The following DYM variants were observed in gnomAD, a reference collection of about 807,000 sequenced individuals.
The protein encoded by DYM is dyggve-Melchior-Clausen syndrome protein.
In DYM, 78 loss-of-function variants were observed where a neutral mutation model predicts 93.1. The observed-to-expected ratio is 0.84, with a 90% CI of 0.70 to 1.01. DYM has a LOEUF of 1.01. Ranked by LOEUF, DYM falls within the 50% of genes least tolerant of loss-of-function variation. DYM has a pLI of 0.00. For synonymous variants in DYM, 321 were observed against 319.7 expected, an observed-to-expected ratio of 1.00 and a Z score of -0.04; for missense variants, 789 against 845.0, an observed-to-expected ratio of 0.93 and a Z score of 0.82.
At chr18:49,391,840 C>T (rs1568366087) in intron 2 of DYM, among the ~76,000 whole-genome samples, 195 bp from the exon 3 acceptor site, 1 of 152,018 alleles carries the variant, frequency 6.6e-6, no homozygotes, top group East Asian at 1.9e-4. Flanking sequence ...TACTGTATTT[C>T]TAAATATGAG....
chr18:49,374,555 G>C (rs927404929), intron 5 of DYM, among the ~76,000 whole-genome samples: 1 of 152,126 alleles, frequency 6.6e-6, no homozygotes, highest in Non-Finnish European at 1.5e-5. Flanking sequence ...AATAAATTTT[G>C]GTGAAATGAC....
chr18:49,326,757 C>T (rs770401020), intron 8 of DYM, among the ~76,000 whole-genome samples: 2 of 152,014 alleles, frequency 1.3e-5, no homozygotes, highest in Non-Finnish European at 2.9e-5. Flanking sequence ...ATACAAATAA[C>T]GCTATACTCA....
chr18:49,371,254 CT>C (rs1315833006), intron 5 of DYM, among the ~76,000 whole-genome samples: 1 of 152,140 alleles, frequency 6.6e-6, no homozygotes, highest in Non-Finnish European at 1.5e-5. Flanking sequence ...AATCCCAGTG[CT>C]TTGGAAGGCC....
intron 8 of DYM, among the ~76,000 whole-genome samples, chr18:49,318,264 C>T (rs1003187278): frequency 5.3e-5 from 8 of 152,066 alleles, no homozygotes; most frequent in Admixed American, 2.6e-4. Context: ...AAGAAGGATC[C>T]GAACAATATG....
intron 11 of DYM, among the ~76,000 whole-genome samples, chr18:49,260,583 A>G (rs1455860864): frequency 6.6e-6 from 1 of 152,234 alleles, no homozygotes; most frequent in Non-Finnish European, 1.5e-5. Context: ...ATGAAAAACA[A>G]TCAAAACATT....
chr18:49,102,630 T>C (rs2080291415), intron 16 of DYM, among the ~76,000 whole-genome samples: 1 of 152,144 alleles, frequency 6.6e-6, no homozygotes, highest in East Asian at 1.9e-4. Context: ...TGTGTTCTCA[T>C]TGTTCAATTC....
At chr18:49,137,250 C>T (rs11082735) in intron 15 of DYM, among the ~76,000 whole-genome samples, 132,258 of 152,148 alleles carry the variant, frequency 0.87, 57,922 homozygotes, top group South Asian at 0.93. Flanking sequence ...AATAACACAC[C>T]CAGTACAGGC....
chr18:49,058,033 A>G (rs999500085), intron 17 of DYM, among the ~76,000 whole-genome samples: 6 of 152,254 alleles, frequency 3.9e-5, no homozygotes, highest in Non-Finnish European at 8.8e-5. Flanking sequence ...CTCTGTTAGC[A>G]CCTTGCTCTG....
At chr18:49,047,598 C>T (rs2071774219) in intron 17 of DYM, among the ~76,000 whole-genome samples, 2 of 152,182 alleles carry the variant, frequency 1.3e-5, no homozygotes, top group Admixed American at 1.3e-4. Context: ...CTGAAGTCCC[C>T]TTGCACCCCA....
rs1304456059 is a variant in DYM at position 49,043,154 on chromosome 18, G to A, written c.*901C>T. 5 of 151,058 alleles carry A rather than the reference G, an allele frequency of 3.3e-5. No individual in the cohort carries two copies. The East Asian group carries it at 9.7e-4, about 29-fold the overall frequency. The allele number at this position is 151,058 out of a possible 1,614,324, so 9.4% of individuals were successfully genotyped here. On this transcript the variant is annotated 3_prime_UTR_variant, in exon 18 of 18. Transcript: ENST00000675505. ...TTTCTTTTTTTTTTTTTGCGAGACA[G>A]GGTCTCACTTTGTGGCTCAGGCTGG...
At chr18:49,168,537 T>A (rs775109238) in intron 14 of DYM, among the ~76,000 whole-genome samples, 5 of 152,074 alleles carry the variant, frequency 3.3e-5, no homozygotes, top group African/African-American at 2.4e-5. Flanking sequence ...TGGCAGGAGA[T>A]GACACCAGAA....
chr18:49,224,917 T>C (rs1220939573), intron 13 of DYM, among the ~76,000 whole-genome samples: 1 of 151,876 alleles, frequency 6.6e-6, no homozygotes, highest in Non-Finnish European at 1.5e-5. Flanking sequence ...AAAAAAACCA[T>C]AAAGAAGATG....
rs984380096 is a variant in DYM, at chr18:49,389,726, A to G, written c.193+1867T>C. 3.3e-5 allele frequency among the ~76,000 whole-genome samples: 5 copies of G among 152,100 alleles called. No homozygotes were observed. The East Asian group carries it at 9.7e-4, about 29-fold the overall frequency. ...TAGATTTTGTAAGAGATGGGGTCTTATTATGTTGCCCAAGCTGGTCTTGAA... is the reference window on the plus strand; with the variant it reads ...TAGATTTTGTAAGAGATGGGGTCTTGTTATGTTGCCCAAGCTGGTCTTGAA... On this transcript the variant is annotated intron_variant, in intron 3 of 17. Coordinates refer to ENST00000675505, the MANE Select transcript of DYM (RefSeq NM_001353214.3).
chr18:49,459,503 G>A (rs2083289618), intron 1 of DYM, among the ~76,000 whole-genome samples: 1 of 151,944 alleles, frequency 6.6e-6, no homozygotes, highest in Admixed American at 6.6e-5. Context: ...AAGCACCTGA[G>A]TTCCTCTGGT....
At chr18:49,238,146 A>G (rs1172045588) in intron 13 of DYM, among the ~76,000 whole-genome samples, 2 of 152,216 alleles carry the variant, frequency 1.3e-5, no homozygotes, top group African/African-American at 2.4e-5. Flanking sequence ...TTACACTTCA[A>G]CCAGAAAATT....
At chr18:49,145,112 T>TAA in intron 15 of DYM, among the ~76,000 whole-genome samples, 2 of 84,510 alleles carry the variant, frequency 2.4e-5, no homozygotes, top group Non-Finnish European at 4.6e-5. Flanking sequence ...AAAATTCATA[T>TAA]ATATATATAT....
At chr18:49,100,444 G>A (rs755052776) in intron 16 of DYM, among the ~76,000 whole-genome samples, 46 of 151,668 alleles carry the variant, frequency 3.0e-4, no homozygotes, top group Non-Finnish European at 5.3e-4. Flanking sequence ...TTGACTCTGC[G>A]GCCTATACTG....
At chr18:49,266,974 T>C (rs993645170) in intron 11 of DYM, among the ~76,000 whole-genome samples, 4 of 151,718 alleles carry the variant, frequency 2.6e-5, no homozygotes, top group South Asian at 4.2e-4. Context: ...AAAAGGCAAA[T>C]TGAGGCTCAA....
intron 2 of DYM, among the ~76,000 whole-genome samples, chr18:49,424,321 G>A (rs1403593087): frequency 6.6e-6 from 1 of 152,042 alleles, no homozygotes; most frequent in South Asian, 2.1e-4. Context: ...AATAGATGCA[G>A]AAAAGGCCTT....
Sources: allele counts gnomAD v4.1 joint callset (sites outside exome capture counted in the v4.1 genomes callset), GRCh38; gene constraint gnomAD v4.1.1; transcripts MANE v1.5; gene names NCBI Gene and HGNC (gene_info 2026-07-23, HGNC 2026-07-21).